The following CLCN3 variants were observed in gnomAD, a reference collection of about 807,000 sequenced individuals.
CLCN3 encodes the protein Cl-/H+ antiporter 3.
In CLCN3, 16 loss-of-function variants were observed where a neutral mutation model predicts 83.4. That is an observed-to-expected ratio of 0.19 (90% CI 0.13 to 0.29). The LOEUF (loss-of-function observed/expected upper bound fraction) is 0.29, where lower values mean the gene tolerates loss of function less well. Among genes scored for constraint, CLCN3 ranks in the 10% least tolerant of loss-of-function variants. CLCN3 has a pLI of 1.00. For synonymous variants in CLCN3, 322 were observed against 346.2 expected (o/e 0.93, Z 0.78); for missense variants, 544 against 1,006.0 (o/e 0.54, Z 6.21).
chr4:169,644,046 A>G (rs1229330186), intron 2 of CLCN3, among the ~76,000 whole-genome samples: 1 of 152,228 alleles, frequency 6.6e-6, no homozygotes, highest in Admixed American at 6.5e-5. Flanking sequence ...TATTCAGATA[A>G]GTGCTTTTCC....
chr4:169,698,044 T>C (rs1266203417), intron 9 of CLCN3, among the ~76,000 whole-genome samples: 1 of 152,210 alleles, frequency 6.6e-6, no homozygotes, highest in African/African-American at 2.4e-5. Flanking sequence ...TAGTTGTTAT[T>C]AGACATGGCG....
At chr4:169,699,283 A>T (rs1157839058) in intron 9 of CLCN3, among the ~76,000 whole-genome samples, 1 of 152,154 alleles carries the variant, frequency 6.6e-6, no homozygotes, top group African/African-American at 2.4e-5. Context: ...GCCCTGGGAC[A>T]TTGCTTCTTT....
chr4:169,713,962 C>T (rs1315492260), intron 12 of CLCN3, among the ~76,000 whole-genome samples: 2 of 152,044 alleles, frequency 1.3e-5, no homozygotes, highest in Non-Finnish European at 2.9e-5. Flanking sequence ...CAGTGTTTCT[C>T]CATTGACAGG....
chr4:169,632,157 A>G (rs1192353020), intron 1 of CLCN3, among the ~76,000 whole-genome samples: 1 of 150,960 alleles, frequency 6.6e-6, no homozygotes, highest in African/African-American at 2.4e-5. Flanking sequence ...AAAACCTTCA[A>G]CAAAATATTA....
intron 2 of CLCN3, among the ~76,000 whole-genome samples, chr4:169,647,323 C>G (rs1730603179): frequency 1.3e-5 from 2 of 151,836 alleles, no homozygotes; most frequent in South Asian, 4.2e-4. Flanking sequence ...CTGGGGAGGT[C>G]AAGGCTGCAG....
chr4:169,645,207 G>T (rs750268060), intron 2 of CLCN3, among the ~76,000 whole-genome samples: 21 of 152,104 alleles, frequency 1.4e-4, no homozygotes, highest in Non-Finnish European at 2.5e-4. Context: ...CACACTTTGA[G>T]AATTCTAAGA....
intron 1 of CLCN3, among the ~76,000 whole-genome samples, chr4:169,632,277 C>G (rs746173751): frequency 2.0e-5 from 3 of 152,104 alleles, no homozygotes; most frequent in African/African-American, 4.8e-5. Context: ...ATTGAAAGAT[C>G]AGTGAGTCTA....
At chr4:169,708,233 C>T (rs1251622882) in intron 11 of CLCN3, among the ~76,000 whole-genome samples, 4 of 152,070 alleles carry the variant, frequency 2.6e-5, no homozygotes, top group Non-Finnish European at 4.4e-5. Flanking sequence ...TGGCACAAGA[C>T]CAGACAGTGT....
chr4:169,705,360 C>T (rs1393247580), intron 10 of CLCN3, among the ~76,000 whole-genome samples: 1 of 152,094 alleles, frequency 6.6e-6, no homozygotes, highest in Non-Finnish European at 1.5e-5. Flanking sequence ...TATGAAAAGA[C>T]AAGAAACCTG....
chr4:169,660,492 G>C, intron 2 of CLCN3: 1 of 1,269,346 alleles, frequency 7.9e-7, no homozygotes, highest in East Asian at 3.1e-5. Flanking sequence ...GGTATGTTTT[G>C]CATGCGGCTG....
At chr4:169,643,475 C>A (rs772053222) in intron 2 of CLCN3, among the ~76,000 whole-genome samples, 37 of 152,098 alleles carry the variant, frequency 2.4e-4, no homozygotes, top group Non-Finnish European at 4.3e-4. Flanking sequence ...GGTTATCCAC[C>A]CGCCTCGGCC....
intron 11 of CLCN3, among the ~76,000 whole-genome samples, chr4:169,710,833 G>A (rs1237685012): frequency 6.6e-6 from 1 of 151,874 alleles, no homozygotes; most frequent in East Asian, 1.9e-4. Flanking sequence ...TTTTTATTTT[G>A]TATATCTATT....
At chr4:169,694,563 G>A (rs1732494579) in intron 7 of CLCN3, among the ~76,000 whole-genome samples, 1 of 152,202 alleles carries the variant, frequency 6.6e-6, no homozygotes, top group African/African-American at 2.4e-5. Context: ...ACTTGGCTGG[G>A]CGCGGTGGCT....
chr4:169,689,953 G>A (rs2150248491), intron 5 of CLCN3, among the ~76,000 whole-genome samples: 1 of 152,216 alleles, frequency 6.6e-6, no homozygotes, highest in East Asian at 1.9e-4. Flanking sequence ...TTGAAGTATA[G>A]CTGAGATGTG....
At chr4:169,717,738 A>T (rs973652188) in intron 12 of CLCN3, 1 of 1,102,588 alleles carries the variant, frequency 9.1e-7, no homozygotes, top group Non-Finnish European at 1.4e-6. Flanking sequence ...TTATGATTGG[A>T]AACTCTTTTA....
intron 1 of CLCN3, among the ~76,000 whole-genome samples, chr4:169,626,261 G>A (rs1229619890): frequency 1.3e-5 from 2 of 152,254 alleles, no homozygotes; most frequent in Non-Finnish European, 2.9e-5. Context: ...AGGGGAAAGA[G>A]CATGGAGCTT....
At chr4:169,659,479 A>G (rs886374818) in intron 2 of CLCN3, among the ~76,000 whole-genome samples, 4 of 152,192 alleles carry the variant, frequency 2.6e-5, no homozygotes, top group African/African-American at 9.6e-5. Context: ...TAGTAGAGAT[A>G]GGAAAGCCCT....
chr4:169,715,742 A>C (rs1188883212), intron 12 of CLCN3, among the ~76,000 whole-genome samples: 1 of 152,112 alleles, frequency 6.6e-6, no homozygotes, highest in Non-Finnish European at 1.5e-5. Flanking sequence ...GGTTTTCTGC[A>C]CTTTATATTT....
At chr4:169,689,369 A>G (rs1187954817) in intron 5 of CLCN3, 139 bp downstream of exon 5, 1 of 661,114 alleles carries the variant, frequency 1.5e-6, no homozygotes, top group Non-Finnish European at 2.4e-6. Context: ...TTGCAGCAAG[A>G]AAGAATTAAG....
Sources: gnomAD v4.1 joint callset for allele counts (sites outside exome capture counted in the v4.1 genomes callset) on GRCh38, gnomAD v4.1.1 for gene constraint, MANE v1.5 for transcripts, NCBI Gene and HGNC (gene_info 2026-07-23, HGNC 2026-07-21) for gene names.